Variants in IHO1 observed in about 807,000 individuals in gnomAD.
The protein encoded by IHO1 is interactor of HORMAD1 protein 1.
Under a neutral mutation model 31.0 loss-of-function variants are expected in IHO1, and 13 were observed. That is an observed-to-expected ratio of 0.42 (90% confidence interval 0.27 to 0.67). IHO1 has a LOEUF of 0.67. Among genes scored for constraint, IHO1 ranks in the 30% least tolerant of loss-of-function variants. The probability of loss-of-function intolerance (pLI) is 0.24; values close to 1 mark genes in which losing one functional copy is unlikely to be tolerated. For missense variants in IHO1, 599 were observed against 687.5 expected, an observed-to-expected ratio of 0.87 and a Z score of 1.44; for synonymous variants, 221 against 248.4, an observed-to-expected ratio of 0.89 and a Z score of 1.04.
chr3:49,194,844 C>T (rs1479569371), upstream of IHO1, among the ~76,000 whole-genome samples: 1 of 151,822 alleles, frequency 6.6e-6, no homozygotes, highest in Non-Finnish European at 1.5e-5. Context: ...AGCAGTGAGC[C>T]ATGATTGTGC....
intron 1 of IHO1, among the ~76,000 whole-genome samples, chr3:49,208,031 C>T (rs1047039387): frequency 2.6e-5 from 4 of 152,292 alleles, no homozygotes; most frequent in Middle Eastern, 3.4e-3. Context: ...CTCGGCCTCC[C>T]AAACTGCCGG....
At chr3:49,232,956 G>T (rs959019513) in intron 2 of IHO1, among the ~76,000 whole-genome samples, 2 of 152,114 alleles carry the variant, frequency 1.3e-5, no homozygotes, top group African/African-American at 4.8e-5. Context: ...TAATAAATCT[G>T]CTCCTATAAT....
At chr3:49,234,293 C>T (rs2046524546) in intron 2 of IHO1, among the ~76,000 whole-genome samples, 1 of 151,240 alleles carries the variant, frequency 6.6e-6, no homozygotes, top group Non-Finnish European at 1.5e-5. Flanking sequence ...CTGCCTCAGC[C>T]TCCTGATTAG....
chr3:49,247,931 T>C (rs1363598870), intron 6 of IHO1, among the ~76,000 whole-genome samples: 1 of 151,298 alleles, frequency 6.6e-6, no homozygotes, highest in Non-Finnish European at 1.5e-5. Flanking sequence ...TTGAGACCAG[T>C]CTGTCCAACA....
At chr3:49,207,997 C>T (rs1416175298) in intron 1 of IHO1, among the ~76,000 whole-genome samples, 3 of 152,122 alleles carry the variant, frequency 2.0e-5, no homozygotes, top group Non-Finnish European at 4.4e-5. Context: ...TGGTCTCGAT[C>T]TCCTGACCTT....
At chr3:49,251,848 C>T (rs1050839582) in intron 6 of IHO1, among the ~76,000 whole-genome samples, 1 of 151,826 alleles carries the variant, frequency 6.6e-6, no homozygotes, top group Non-Finnish European at 1.5e-5. Flanking sequence ...CTGATCTGCC[C>T]GCGTCGGCCA....
At chr3:49,195,472 C>G (rs1255336682), upstream of IHO1, among the ~76,000 whole-genome samples, 3 of 149,474 alleles carry the variant, frequency 2.0e-5, no homozygotes, top group Non-Finnish European at 4.4e-5. Flanking sequence ...AATCCCAGCA[C>G]TTTGGGAGGC....
At position 49,255,500 on chromosome 3, in the gene IHO1, G is replaced by C; in HGVS notation, c.636+7G>C. ...GAAGAAAAGATTTGAAGCTGTAAGT[G>C]TAAACCCCAACCTCTTTCTAAGTGT... On this transcript the variant is annotated splice_region_variant and intron_variant, in intron 7 of 7. Coordinates refer to ENST00000452691, the MANE Select transcript of IHO1 (RefSeq NM_001135197.2). 6.4e-7 allele frequency: 1 copy of C among 1,555,304 alleles called. No homozygotes were observed. Among genetic ancestry groups the C allele is most frequent in the Non-Finnish European group, 8.7e-7 (1 of 1,147,856 alleles).
At chr3:49,220,584 C>A (rs950247941) in intron 2 of IHO1, among the ~76,000 whole-genome samples, 3 of 152,114 alleles carry the variant, frequency 2.0e-5, no homozygotes, top group Admixed American at 2.0e-4. Flanking sequence ...GTGGTGCAGA[C>A]CCAGCCAGCC....
upstream of IHO1, among the ~76,000 whole-genome samples, chr3:49,197,147 ATTTTTTT>A (rs71077772): frequency 7.9e-6 from 1 of 126,970 alleles, no homozygotes; most frequent in Non-Finnish European, 1.6e-5. Context: ...CAGCCGGCTA[ATTTTTTT>A]TTTTTTTTTG....
At chr3:49,234,545 A>G (rs1301049551) in intron 2 of IHO1, among the ~76,000 whole-genome samples, 1 of 152,054 alleles carries the variant, frequency 6.6e-6, no homozygotes, top group Non-Finnish European at 1.5e-5. Context: ...GACTTCATCT[A>G]ACCCTCATTA....
At chr3:49,239,557 G>A (rs2046603301) in intron 3 of IHO1, among the ~76,000 whole-genome samples, 1 of 152,170 alleles carries the variant, frequency 6.6e-6, no homozygotes, top group Admixed American at 6.5e-5. Flanking sequence ...TGGGATTACA[G>A]GCGTGAGCCC....
intron 1 of IHO1, among the ~76,000 whole-genome samples, chr3:49,202,324 T>A: frequency 9.5e-6 from 1 of 105,534 alleles, no homozygotes; most frequent in African/African-American, 3.9e-5. Context: ...TTCTTTTTAA[T>A]TTTTTTTTTT....
chr3:49,241,273 C>A lies in IHO1; in HGVS notation c.279C>A (p.Phe93Leu), dbSNP rs759779846. ...FTKYQTKPQL[F>L]GGDIKDGGLF... ...AGTACCAGACAAAGCCCCAGCTGTTCGGAGGAGATATAAAAGATGGAGGTT... is the reference window on the plus strand; with the variant it reads ...AGTACCAGACAAAGCCCCAGCTGTTAGGAGGAGATATAAAAGATGGAGGTT... Residue 93 changes from phenylalanine to leucine, a missense_variant, in exon 4 of 8, where the codon TTC (phenylalanine) becomes TTA (leucine). Physicochemically the swap from Phe to Leu is conservative, Grantham distance 22. Transcript: ENST00000452691. 3.1e-6 allele frequency: 5 copies of A among 1,613,308 alleles called. No individual in the cohort carries two copies. The highest frequency in any genetic ancestry group is 1.1e-5 in the South Asian group (1 of 91,012).
At position 49,211,752 on chromosome 3, in the gene IHO1, A is replaced by C. The variant is rs1412332119; in HGVS notation, c.-15-14A>C. 1.6e-6 allele frequency: 2 copies of C among 1,227,984 alleles called. No individual in the cohort carries two copies. The highest frequency in any genetic ancestry group is 3.5e-5 in the Admixed American group (2 of 56,538). 76.1% of individuals were successfully genotyped at this position (1,227,984 alleles called of 1,614,324 possible). On this transcript the variant is annotated splice_polypyrimidine_tract_variant and intron_variant, in intron 1 of 7. Transcript: ENST00000452691. The stretch of plus-strand genomic sequence containing the variant: ...CTGTTAACTTTCTTAATATTCACCT[A>C]TTCTTTCTAATAGGTATAACTATAA...
At chr3:49,228,857 G>A (rs972602669) in intron 2 of IHO1, among the ~76,000 whole-genome samples, 1 of 152,232 alleles carries the variant, frequency 6.6e-6, no homozygotes. Context: ...AGACCTGAGC[G>A]GGTTGCCTTT....
chr3:49,215,559 T>C (rs2046277767), intron 2 of IHO1, among the ~76,000 whole-genome samples: 1 of 152,070 alleles, frequency 6.6e-6, no homozygotes, highest in Admixed American at 6.6e-5. Flanking sequence ...ACACCAGGGG[T>C]TCAGTCTAGG....
the IHO1 span, chr3:49,191,587 G>C: frequency 2.5e-6 from 2 of 790,934 alleles, no homozygotes; most frequent in Non-Finnish European, 4.4e-6. Context: ...AGCCTCCAGG[G>C]GTGACCTCAA....
At chr3:49,214,547 C>CAA (rs11433953) in intron 2 of IHO1, among the ~76,000 whole-genome samples, 65,674 of 113,088 alleles carry the variant, frequency 0.58, 19,766 homozygotes, top group East Asian at 0.92. Flanking sequence ...TTTAATTTCT[C>CAA]AAAAAAAAAA....
Sources: allele counts gnomAD v4.1 joint callset (sites outside exome capture counted in the v4.1 genomes callset), GRCh38; gene constraint gnomAD v4.1.1; transcripts MANE v1.5; gene names NCBI Gene and HGNC (gene_info 2026-07-23, HGNC 2026-07-21).